Variants in PTPN9 observed in about 807,000 individuals in gnomAD.
PTPN9 encodes tyrosine-protein phosphatase non-receptor type 9.
In PTPN9, 26 loss-of-function variants were observed where a neutral mutation model predicts 69.8. The observed-to-expected ratio is 0.37, with a 90% CI of 0.27 to 0.52. The LOEUF is 0.52. Among genes scored for constraint, PTPN9 ranks in the 20% least tolerant of loss-of-function variants. The pLI is 0.91. For missense variants in PTPN9, 549 were observed against 740.3 expected (o/e 0.74, Z 3.00); for synonymous variants, 274 against 272.5 (o/e 1.01, Z -0.05).
chr15:75,464,928 G>A lies in PTPN9; in HGVS notation c.*3841C>T, dbSNP rs960108657. 6.6e-6 allele frequency: 1 copy of A among 152,202 alleles called. No homozygotes were observed. Among genetic ancestry groups the A allele is most frequent in the Admixed American group, 6.5e-5 (1 of 15,280 alleles). The allele number at this position is 152,202 out of a possible 1,614,324, so 9.4% of individuals were successfully genotyped here. A position where few individuals can be genotyped will look rare whatever the true frequency, so the allele number is the denominator to read the frequency against. On this transcript the variant is annotated 3_prime_UTR_variant, in exon 13 of 13. Transcript: ENST00000618819. ...TCAGGAGTCCCATCCTAGCCAATGA[G>A]GATGGGCAAGATGAAGGGAGCAATG...
At chr15:75,511,229 T>C (rs1480414033) in intron 5 of PTPN9, among the ~76,000 whole-genome samples, 1 of 152,200 alleles carries the variant, frequency 6.6e-6, no homozygotes, top group East Asian at 1.9e-4. Context: ...GGAGCTATTT[T>C]CTTTTAAAAA....
chr15:75,563,747 C>T (rs970228045), intron 1 of PTPN9, among the ~76,000 whole-genome samples: 16 of 152,164 alleles, frequency 1.1e-4, no homozygotes, highest in African/African-American at 3.9e-4. Context: ...GTAACAAGTC[C>T]TCCTCCTTGA....
intron 1 of PTPN9, among the ~76,000 whole-genome samples, chr15:75,574,928 G>A (rs2075164317): frequency 9.6e-6 from 1 of 104,244 alleles, no homozygotes; most frequent in Non-Finnish European, 2.0e-5. Flanking sequence ...GGCAACAAGA[G>A]CAAAACTCTG....
chr15:75,503,576 TCC>T (rs2074788963), intron 7 of PTPN9, among the ~76,000 whole-genome samples: 1 of 44,820 alleles, frequency 2.2e-5, no homozygotes, highest in Admixed American at 2.1e-4. Context: ...GGCCAGCCGC[TCC>T]GTCCGGGAGG....
intron 9 of PTPN9, among the ~76,000 whole-genome samples, chr15:75,478,499 G>T (rs919951195): frequency 2.0e-5 from 3 of 152,074 alleles, no homozygotes; most frequent in African/African-American, 7.2e-5. Flanking sequence ...TCTGCTTCCT[G>T]GGCTCAAGTG....
intron 7 of PTPN9, among the ~76,000 whole-genome samples, chr15:75,503,188 G>C (rs1032367854): frequency 6.6e-6 from 1 of 150,944 alleles, no homozygotes. Flanking sequence ...TCTAGGAAGT[G>C]AGGAGCGCCT....
intron 9 of PTPN9, among the ~76,000 whole-genome samples, chr15:75,478,242 A>T (rs370718007): frequency 6.6e-6 from 1 of 151,436 alleles, no homozygotes; most frequent in South Asian, 2.1e-4. Flanking sequence ...AGTAGCTGGG[A>T]TTACAGGCAT....
At chr15:75,564,962 G>A (rs938729538) in intron 1 of PTPN9, among the ~76,000 whole-genome samples, 8 of 151,568 alleles carry the variant, frequency 5.3e-5, no homozygotes, top group Admixed American at 2.0e-4. Context: ...ATTAGCTGGC[G>A]TGGTGGCACG....
Position 75,468,761 on chromosome 15 carries a change from T to C in PTPN9, c.*8A>G, listed in dbSNP as rs1304932119. 7 of 1,612,024 alleles carry C rather than the reference T, an allele frequency of 4.3e-6. No homozygotes were observed. The Admixed American group carries it at 8.3e-5, about 19-fold the overall frequency. ...GGCTGGCCAACAGGTAGGAGGTTCG[T>C]AGGAGAGTTACTGACTCTCCACGGC... On this transcript the variant is annotated 3_prime_UTR_variant, in exon 13 of 13. Coordinates refer to ENST00000618819, the MANE Select transcript of PTPN9 (RefSeq NM_002833.4).
At chr15:75,494,597 CCCT>C (rs1171983558) in intron 7 of PTPN9, among the ~76,000 whole-genome samples, 1 of 151,900 alleles carries the variant, frequency 6.6e-6, no homozygotes, top group Non-Finnish European at 1.5e-5. Flanking sequence ...AGGTGATCTG[CCCT>C]CCTCAGCCTC....
At chr15:75,533,269 G>C (rs1387752072) in intron 1 of PTPN9, among the ~76,000 whole-genome samples, 1 of 152,078 alleles carries the variant, frequency 6.6e-6, no homozygotes, top group African/African-American at 2.4e-5. Flanking sequence ...GATTTGTTTT[G>C]TTTTGCTTTT....
At position 75,505,926 on chromosome 15, in the gene PTPN9, G is replaced by C. The variant is rs2074817357; in HGVS notation, c.717C>G (p.Val239=). 1.2e-6 allele frequency: 2 copies of C among 1,613,922 alleles called. No individual in the cohort carries two copies. The highest frequency in any genetic ancestry group is 1.3e-5 in the African/African-American group (1 of 74,898). The stretch of plus-strand genomic sequence containing the variant: ...AATTCCAAGTGGCGAGATCAATTTT[G>C]ACGTACCCACCCAGGTTTTCTGGAA... ...ECLPENLGGY[V]KIDLATWNFQ... The change falls in exon 7 of 13, where the codon GTC becomes GTG. Residue 239 remains valine (V), a synonymous_variant. Coordinates refer to ENST00000618819, the MANE Select transcript of PTPN9 (RefSeq NM_002833.4).
intron 6 of PTPN9, among the ~76,000 whole-genome samples, chr15:75,506,720 A>G (rs1455986299): frequency 6.6e-6 from 1 of 152,000 alleles, no homozygotes; most frequent in Non-Finnish European, 1.5e-5. Flanking sequence ...CTCTGCTTGG[A>G]CATAGCCATG....
chr15:75,507,323 G>A (rs530770269), intron 6 of PTPN9, among the ~76,000 whole-genome samples: 17 of 151,844 alleles, frequency 1.1e-4, no homozygotes, highest in African/African-American at 3.6e-4. Flanking sequence ...GCAGGAGCCT[G>A]TAATCCCAGC....
intron 3 of PTPN9, 85 bp from the exon 4 acceptor site, chr15:75,523,330 T>A: frequency 7.0e-7 from 1 of 1,421,026 alleles, no homozygotes; most frequent in Non-Finnish European, 9.5e-7. Context: ...GATAAGGGTT[T>A]GATACATGTA....
rs1481492755 is a variant in PTPN9 at position 75,468,871 on chromosome 15, G to A, written c.1680C>T (p.Thr560=). 1 of 1,614,164 alleles carries A rather than the reference G, an allele frequency of 6.2e-7. No individual in the cohort carries two copies. The highest frequency in any genetic ancestry group is 8.5e-7 in the Non-Finnish European group (1 of 1,180,014). The change falls in exon 13 of 13, where the codon ACC becomes ACT. Residue 560 remains threonine, a synonymous_variant. Coordinates refer to ENST00000618819, the MANE Select transcript of PTPN9 (RefSeq NM_002833.4). ...MRTQRAFSIQ[T]PEQYYFCYKA... ...TGTAGCAAAAATAGTACTGCTCAGG[G>A]GTCTGGATGCTGAAGGCCCTCTGGG...
At chr15:75,530,861 T>TTATATATTATGA (rs2074960801) in intron 1 of PTPN9, among the ~76,000 whole-genome samples, 1 of 95,260 alleles carries the variant, frequency 1.0e-5, no homozygotes, top group African/African-American at 3.9e-5. Flanking sequence ...TTATGATATA[T>TTATATATTATGA]TATATATTAC....
At chr15:75,546,748 G>T (rs952489015) in intron 1 of PTPN9, among the ~76,000 whole-genome samples, 1 of 151,790 alleles carries the variant, frequency 6.6e-6, no homozygotes, top group Non-Finnish European at 1.5e-5. Flanking sequence ...AAATTCTTGT[G>T]GACAGTTTCA....
chr15:75,565,723 T>C (rs2075124127), intron 1 of PTPN9, among the ~76,000 whole-genome samples: 1 of 152,182 alleles, frequency 6.6e-6, no homozygotes, highest in South Asian at 2.1e-4. Context: ...GCGAATCATT[T>C]TTAGGTCATC....
Sources: gnomAD v4.1 joint callset for allele counts (sites outside exome capture counted in the v4.1 genomes callset) on GRCh38, gnomAD v4.1.1 for gene constraint, MANE v1.5 for transcripts, NCBI Gene and HGNC (gene_info 2026-07-23, HGNC 2026-07-21) for gene names.